ANTXR2: variants seen among roughly 807,000 people sequenced by gnomAD.
ANTXR2 encodes the protein ANTXR cell adhesion molecule 2.
A neutral mutation model predicts 73.7 loss-of-function variants in ANTXR2; 44 were observed. The ratio of observed to expected loss-of-function variants is 0.60; its 90% confidence interval spans 0.47 to 0.77. ANTXR2 has a LOEUF of 0.77. ANTXR2 is among the 30% of genes least tolerant of loss of function. The pLI is 0.00. For synonymous variants in ANTXR2, 217 were observed against 205.9 expected (o/e 1.05, Z -0.46); for missense variants, 604 against 592.5 (o/e 1.02, Z -0.20).
intron 3 of ANTXR2, among the ~76,000 whole-genome samples, chr4:80,060,971 G>A (rs970854194): frequency 6.6e-6 from 1 of 152,156 alleles, no homozygotes; most frequent in African/African-American, 2.4e-5. Context: ...CACATGGTTA[G>A]CAAGTCGGTG....
intron 12 of ANTXR2, among the ~76,000 whole-genome samples, chr4:79,985,976 G>C (rs1475351691): frequency 1.3e-5 from 2 of 151,798 alleles, no homozygotes; most frequent in Non-Finnish European, 1.5e-5. Flanking sequence ...GGAGTAGCTG[G>C]GATTACAGGC....
intron 16 of ANTXR2, among the ~76,000 whole-genome samples, chr4:79,913,979 A>G (rs985293885): frequency 1.9e-4 from 29 of 152,164 alleles, no homozygotes; most frequent in Non-Finnish European, 3.8e-4. Flanking sequence ...ATCACTAGTA[A>G]ACTATCTGTA....
chr4:79,976,631 G>A (rs73828830), intron 16 of ANTXR2, among the ~76,000 whole-genome samples: 13,915 of 152,232 alleles, frequency 0.091, 739 homozygotes, highest in Middle Eastern at 0.23. Flanking sequence ...CTCTGAGCAC[G>A]ATGCCTATAG....
At chr4:79,981,079 C>A (rs1158658399) in intron 14 of ANTXR2, among the ~76,000 whole-genome samples, 1 of 152,014 alleles carries the variant, frequency 6.6e-6, no homozygotes, top group Non-Finnish European at 1.5e-5. Flanking sequence ...CCAGCCAGGG[C>A]AACATAATGA....
intron 12 of ANTXR2, among the ~76,000 whole-genome samples, chr4:80,007,812 C>A (rs959998107): frequency 2.6e-5 from 4 of 152,156 alleles, no homozygotes; most frequent in Non-Finnish European, 5.9e-5. Flanking sequence ...AGAAACACAT[C>A]CCTTCCAACA....
chr4:80,034,586 TG>T (rs1732868802), intron 8 of ANTXR2, among the ~76,000 whole-genome samples: 1 of 152,158 alleles, frequency 6.6e-6, no homozygotes, highest in South Asian at 2.1e-4. Flanking sequence ...ATAAGTTTGT[TG>T]GTTGTTTTTG....
At chr4:79,972,920 T>TA (rs746252575) in intron 16 of ANTXR2, among the ~76,000 whole-genome samples, 4 of 53,176 alleles carry the variant, frequency 7.5e-5, no homozygotes, top group African/African-American at 6.0e-4. Context: ...TAGAGTATAA[T>TA]AAAAAAAAAA....
chr4:80,002,563 A>G (rs1179033307), intron 12 of ANTXR2, among the ~76,000 whole-genome samples: 1 of 152,130 alleles, frequency 6.6e-6, no homozygotes, highest in African/African-American at 2.4e-5. Flanking sequence ...GACAAACGGG[A>G]TCTAATTAAA....
chr4:80,044,021 G>T (rs528537652), intron 7 of ANTXR2, among the ~76,000 whole-genome samples: 2 of 152,026 alleles, frequency 1.3e-5, no homozygotes, highest in East Asian at 3.9e-4. Flanking sequence ...AAGGTTTGCT[G>T]GAGGTTGAGA....
intron 12 of ANTXR2, among the ~76,000 whole-genome samples, chr4:80,005,679 T>A (rs1731269997): frequency 6.6e-6 from 1 of 152,158 alleles, no homozygotes; most frequent in African/African-American, 2.4e-5. Context: ...TATACTTTGT[T>A]AGAAGTACTT....
intron 14 of ANTXR2, among the ~76,000 whole-genome samples, chr4:79,982,727 T>A (rs527824130): frequency 5.3e-5 from 8 of 152,278 alleles, no homozygotes; most frequent in African/African-American, 1.7e-4. Context: ...TCATGGATAA[T>A]TGGCAATGAG....
chr4:79,948,387 T>TA (rs1249356596), intron 16 of ANTXR2, among the ~76,000 whole-genome samples: 2 of 152,128 alleles, frequency 1.3e-5, no homozygotes. Context: ...TGAAGTCACA[T>TA]AAAAAATACA....
intron 16 of ANTXR2, among the ~76,000 whole-genome samples, chr4:79,976,600 A>T (rs1729647349): frequency 6.6e-6 from 1 of 152,236 alleles, no homozygotes; most frequent in African/African-American, 2.4e-5. Context: ...ATATGACTAC[A>T]GAACTGCCTC....
intron 10 of ANTXR2, among the ~76,000 whole-genome samples, chr4:80,031,079 AAAG>A (rs1368361988): frequency 6.6e-6 from 1 of 152,148 alleles, no homozygotes; most frequent in Admixed American, 6.6e-5. Context: ...TGGCCACACA[AAAG>A]AAGATGAAAA....
chr4:79,912,885 A>G (rs1313236158), intron 16 of ANTXR2, among the ~76,000 whole-genome samples: 1 of 152,300 alleles, frequency 6.6e-6, no homozygotes, highest in East Asian at 1.9e-4. Flanking sequence ...TAAAAATATG[A>G]TATGATTGTA....
intron 12 of ANTXR2, among the ~76,000 whole-genome samples, chr4:80,001,624 G>A (rs1483411718): frequency 6.7e-6 from 1 of 150,136 alleles, no homozygotes; most frequent in Non-Finnish European, 1.5e-5. Flanking sequence ...CTGTCTCGTT[G>A]ATCTGTCTAA....
chr4:79,916,591 A>G (rs1316739583), intron 16 of ANTXR2, among the ~76,000 whole-genome samples: 1 of 152,164 alleles, frequency 6.6e-6, no homozygotes. Flanking sequence ...AAAAACAGAA[A>G]GCAATTTATG....
chr4:79,957,293 A>T (rs575676706), intron 16 of ANTXR2, among the ~76,000 whole-genome samples: 1 of 152,220 alleles, frequency 6.6e-6, no homozygotes, highest in Admixed American at 6.6e-5. Context: ...ATGCCTGCAG[A>T]TTTTTGCATC....
intron 9 of ANTXR2, among the ~76,000 whole-genome samples, chr4:80,032,134 T>TG (rs1156858384): frequency 6.6e-6 from 1 of 151,828 alleles, no homozygotes; most frequent in African/African-American, 2.4e-5. Flanking sequence ...ATGCATTTTA[T>TG]GAAGTCACAT....
Sources: allele counts gnomAD v4.1 joint callset (sites outside exome capture counted in the v4.1 genomes callset), GRCh38; gene constraint gnomAD v4.1.1; transcripts MANE v1.5; gene names NCBI Gene and HGNC (gene_info 2026-07-23, HGNC 2026-07-21).